The following ARMC8 variants were observed in gnomAD, a reference collection of about 807,000 sequenced individuals.
ARMC8 encodes the protein armadillo repeat containing 8, also known as armadillo repeat-containing protein 8.
ARMC8 carries 20 observed loss-of-function variants against 99.3 expected under a neutral mutation model. The ratio of observed to expected loss-of-function variants is 0.20; its 90% CI spans 0.14 to 0.29. The LOEUF (loss-of-function observed/expected upper bound fraction) is 0.29, where lower values mean the gene tolerates loss of function less well. Among genes scored for constraint, ARMC8 ranks in the 10% least tolerant of loss-of-function variants. ARMC8 has a pLI of 1.00. For synonymous variants in ARMC8, 263 were observed against 278.3 expected, an observed-to-expected ratio of 0.95 and a Z score of 0.55; for missense variants, 569 against 809.5, an observed-to-expected ratio of 0.70 and a Z score of 3.60.
In ARMC8 at chr3:138,241,836, A is replaced by C; in HGVS notation, c.891A>C (p.Arg297Ser). 1 of 1,613,990 alleles carries C rather than the reference A, an allele frequency of 6.2e-7. No homozygotes were observed. The highest frequency in any genetic ancestry group is 8.5e-7 in the Non-Finnish European group (1 of 1,179,978). Residue 297 changes from arginine to serine, a missense_variant, in exon 11 of 22, where the codon AGA becomes AGC. Coordinates refer to ENST00000469044, the MANE Select transcript of ARMC8 (RefSeq NM_001363941.2). Reference protein sequence around the residue: ...MCSKERLLEERVEGAETLAYL... With the variant: ...MCSKERLLEESVEGAETLAYL... ...GTAAGGAGAGATTACTAGAGGAGAG[A>C]GTTGAAGGAGCTGAGACACTTGCCT...
chr3:138,223,372 A>G lies in ARMC8; in HGVS notation c.195-17A>G, dbSNP rs1433029499. The G allele has an allele frequency of 1.2e-6, 2 of 1,611,560 alleles. No homozygotes were observed. Among genetic ancestry groups the G allele is most frequent in the South Asian group, 1.1e-5 (1 of 90,606 alleles). On this transcript the variant is annotated splice_polypyrimidine_tract_variant and intron_variant, in intron 3 of 21. Coordinates refer to ENST00000469044, the MANE Select transcript of ARMC8 (RefSeq NM_001363941.2). ...AAATTTTTTAGTCTCTTCGTTTATT[A>G]AGTTCCTTCTTTTTAGATTGTTGTA...
chr3:138,227,300 C>T (rs542857240), intron 5 of ARMC8, among the ~76,000 whole-genome samples: 1 of 152,248 alleles, frequency 6.6e-6, no homozygotes, highest in East Asian at 1.9e-4. Flanking sequence ...AATGTGAGAA[C>T]ATAGAGAAAA....
intron 7 of ARMC8, 148 bp downstream of exon 7, chr3:138,235,262 G>C: frequency 2.0e-6 from 1 of 507,238 alleles, no homozygotes; most frequent in Non-Finnish European, 3.4e-6. Flanking sequence ...TTTAGCTATA[G>C]AATGCTCTTT....
chr3:138,281,217 G>GGTGTGT (rs149949088), intron 18 of ARMC8, among the ~76,000 whole-genome samples: 1 of 149,778 alleles, frequency 6.7e-6, no homozygotes, highest in Admixed American at 6.7e-5. Context: ...TAATGGTGTG[G>GGTGTGT]GTGTGTGTGT....
At chr3:138,227,445 T>A (rs1000249386) in intron 5 of ARMC8, among the ~76,000 whole-genome samples, 1 of 152,216 alleles carries the variant, frequency 6.6e-6, no homozygotes. Context: ...CGACTTGACA[T>A]TTTCCTTTTC....
At chr3:138,229,117 G>A (rs2045846362) in intron 6 of ARMC8, 107 bp downstream of exon 6, 1 of 262,974 alleles carries the variant, frequency 3.8e-6, no homozygotes, top group South Asian at 3.6e-5. Flanking sequence ...TATATAAGTA[G>A]ACCTGTGTGT....
intron 15 of ARMC8, among the ~76,000 whole-genome samples, chr3:138,269,526 C>A (rs2048579665): frequency 6.6e-6 from 1 of 152,148 alleles, no homozygotes; most frequent in African/African-American, 2.4e-5. Flanking sequence ...ATAAATTCTG[C>A]AGCATGTTTG....
Position 138,223,661 on chromosome 3 carries a change from T to C in ARMC8, c.363T>C (p.Phe121=), listed in dbSNP as rs745809184. 3 of 1,614,216 alleles carry C rather than the reference T, an allele frequency of 1.9e-6. No homozygotes were observed. The highest frequency in any genetic ancestry group is 2.5e-6 in the Non-Finnish European group (3 of 1,180,026). ...LQGLLSPDLK[F]IEACLRCLRT... ...GACTACTGTCCCCAGACCTGAAGTT[T>C]ATTGAAGCTTGCCTCCGATGCCTGC... is the stretch of plus-strand genomic sequence containing the variant. The change falls in exon 5 of 22, where the codon TTT becomes TTC. Residue 121 remains phenylalanine (F), a synonymous_variant. Transcript: ENST00000469044.
chr3:138,278,754 G>T lies in ARMC8; in HGVS notation c.1725+4210G>T, dbSNP rs76891342. Among the ~76,000 whole-genome samples the T allele has an allele frequency of 6.1e-3, 927 of 152,192 alleles. 9 individuals are homozygous for T. Among genetic ancestry groups the T allele is most frequent in the Non-Finnish European group, 9.6e-3 (655 of 67,988 alleles). On this transcript the variant is annotated intron_variant, in intron 18 of 21. Transcript: ENST00000469044. ...CTTATAGCAGTGTTTTGTAGTTTTTGATATATAGGTCTTGCACTCTTGGTC... is the reference window on the plus strand; with the variant it reads ...CTTATAGCAGTGTTTTGTAGTTTTTTATATATAGGTCTTGCACTCTTGGTC...
At position 138,272,862 on chromosome 3, in the gene ARMC8, ACT is replaced by A. The variant is rs369507647; in HGVS notation, c.1480-102_1480-101del. Reference sequence around the variant, plus strand: ...ACACCAGCCTGGGCGACAGAGCAAGACTCTGTCTCAAAAAAATAAAAAAAAAT... The same window carrying A: ...ACACCAGCCTGGGCGACAGAGCAAGACTGTCTCAAAAAAATAAAAAAAAAT... On this transcript the variant is annotated intron_variant, in intron 16 of 21. Transcript: ENST00000469044. 1.2e-4 allele frequency: 125 copies of A among 1,038,114 alleles called. No individual in the cohort carries two copies. The East Asian group carries it at 3.5e-3, about 29-fold the overall frequency. 64.3% of individuals were successfully genotyped at this position (1,038,114 alleles called of 1,614,324 possible). A position where few individuals can be genotyped will look rare whatever the true frequency, so the allele number is the denominator to read the frequency against.
intron 17 of ARMC8, among the ~76,000 whole-genome samples, chr3:138,274,071 G>GC (rs949270959): frequency 1.3e-5 from 2 of 152,080 alleles, no homozygotes; most frequent in Non-Finnish European, 2.9e-5. Context: ...GCCCACCTCG[G>GC]CCCCCCAAAG....
At chr3:138,255,621 C>T (rs1164403841) in intron 12 of ARMC8, among the ~76,000 whole-genome samples, 1 of 151,900 alleles carries the variant, frequency 6.6e-6, no homozygotes, top group Non-Finnish European at 1.5e-5. Context: ...TTACTGAGAC[C>T]CCAGAATGTA....
At position 138,273,013 on chromosome 3, in the gene ARMC8, G is replaced by A; in HGVS notation, c.1526G>A (p.Arg509Gln). Residue 509 changes from arginine (R) to glutamine (Q), a missense_variant, in exon 17 of 22, where the codon CGA becomes CAA. Arg to Gln is a conservative substitution (Grantham distance 43). Transcript: ENST00000469044. ...CAAAAAATAAAAGCAGATATTTTAC[G>A]AAGCTTGAGTACTGAACAGCTATTC... is the stretch of plus-strand genomic sequence containing the variant. ...AEQKIKADIL[R>Q]SLSTEQLFRL... 3 of 1,606,226 alleles carry A rather than the reference G, an allele frequency of 1.9e-6. No individual in the cohort carries two copies. The highest frequency in any genetic ancestry group is 2.6e-6 in the Non-Finnish European group (3 of 1,176,410).
intron 1 of ARMC8, among the ~76,000 whole-genome samples, chr3:138,203,869 C>A (rs2044215199): frequency 6.6e-6 from 1 of 152,174 alleles, no homozygotes; most frequent in African/African-American, 2.4e-5. Flanking sequence ...TTATTCATGG[C>A]TGCTTCTGTG....
At chr3:138,268,881 A>G (rs761324790) in intron 15 of ARMC8, among the ~76,000 whole-genome samples, 3 of 152,206 alleles carry the variant, frequency 2.0e-5, no homozygotes, top group Admixed American at 6.5e-5. Flanking sequence ...AGTATGGGCT[A>G]TAGATTTGAT....
At chr3:138,253,625 G>A (rs779253856) in intron 12 of ARMC8, among the ~76,000 whole-genome samples, 4 of 152,148 alleles carry the variant, frequency 2.6e-5, no homozygotes, top group Non-Finnish European at 5.9e-5. Flanking sequence ...TGTTTACAAA[G>A]CATTAGATTC....
In ARMC8 at chr3:138,262,359, C is replaced by T. The variant is rs940582908; in HGVS notation, c.1135-1380C>T. The T allele has an allele frequency of 8.7e-6, 6 of 687,634 alleles. No homozygotes were observed. The Admixed American group carries it at 1.6e-4, about 19-fold the overall frequency. 42.6% of individuals were successfully genotyped at this position (687,634 alleles called of 1,614,324 possible). A position where few individuals can be genotyped will look rare whatever the true frequency, so the allele number is the denominator to read the frequency against. ...TGTAAATGTTTTGGAAACTAAAACA[C>T]CAGATAAAAATTACCATTCCTAATC... On this transcript the variant is annotated intron_variant, in intron 12 of 21. Transcript: ENST00000469044.
chr3:138,287,568 C>T, intron 19 of ARMC8: 1 of 452,800 alleles, frequency 2.2e-6, no homozygotes, highest in South Asian at 1.6e-5. Flanking sequence ...CTCATTTATT[C>T]AACAAATATT....
chr3:138,241,900 A>G lies in ARMC8; in HGVS notation c.955A>G (p.Ser319Gly), dbSNP rs1330456415. Residue 319 changes from serine to glycine, a missense_variant, in exon 11 of 22, where the codon AGC (serine) becomes GGC (glycine). Coordinates refer to ENST00000469044, the MANE Select transcript of ARMC8 (RefSeq NM_001363941.2). ...AGATGTTGAGCTACAGAGAATCGCTAGCATAACTGATCACCTCATTGCCAT... is the reference window on the plus strand; with the variant it reads ...AGATGTTGAGCTACAGAGAATCGCTGGCATAACTGATCACCTCATTGCCAT... ...EPDVELQRIA[S>G]ITDHLIAMLA... 3 of 1,614,106 alleles carry G rather than the reference A, an allele frequency of 1.9e-6. No homozygotes were observed. Among genetic ancestry groups the G allele is most frequent in the East Asian group, 2.2e-5 (1 of 44,848 alleles).
Sources: gnomAD v4.1 joint callset for allele counts (sites outside exome capture counted in the v4.1 genomes callset) on GRCh38, gnomAD v4.1.1 for gene constraint, MANE v1.5 for transcripts, NCBI Gene and HGNC (gene_info 2026-07-23, HGNC 2026-07-21) for gene names.